The following ZNF804B variants were observed in gnomAD, a reference collection of about 807,000 sequenced individuals.
ZNF804B encodes zinc finger protein 804B, also known as zinc finger 804B.
ZNF804B carries 80 observed loss-of-function variants against 101.4 expected under a neutral mutation model. That is an observed-to-expected ratio of 0.79 (90% CI 0.66 to 0.95). The LOEUF (loss-of-function observed/expected upper bound fraction) is 0.95. Ranked by LOEUF, ZNF804B falls within the 40% of genes least tolerant of loss-of-function variation. The probability of loss-of-function intolerance (pLI) is 0.00; values close to 1 mark genes in which losing one functional copy is unlikely to be tolerated. For missense variants in ZNF804B, 1,673 were observed against 1,561.9 expected (o/e 1.07, Z -1.20); for synonymous variants, 622 against 558.8 (o/e 1.11, Z -1.59).
chr7:89,070,569 G>C (rs1370597290), intron 1 of ZNF804B, among the ~76,000 whole-genome samples: 1 of 152,114 alleles, frequency 6.6e-6, no homozygotes, highest in Non-Finnish European at 1.5e-5. Context: ...TTCTCTGAGG[G>C]ATGGTTTCTT....
At chr7:88,964,543 T>C (rs992129984) in intron 1 of ZNF804B, among the ~76,000 whole-genome samples, 8 of 151,522 alleles carry the variant, frequency 5.3e-5, no homozygotes, top group African/African-American at 1.2e-4. Context: ...TGAGGAGTTA[T>C]TGTTTTATGC....
At chr7:89,169,029 G>A (rs1308508888) in intron 1 of ZNF804B, among the ~76,000 whole-genome samples, 2 of 152,104 alleles carry the variant, frequency 1.3e-5, no homozygotes, top group African/African-American at 4.8e-5. Context: ...GAAGAGAACC[G>A]TGGAACCCAG....
At chr7:89,164,884 T>C (rs1204648122) in intron 1 of ZNF804B, among the ~76,000 whole-genome samples, 7 of 152,038 alleles carry the variant, frequency 4.6e-5, no homozygotes, top group Admixed American at 1.3e-4. Context: ...ACAAATGTAT[T>C]TGGTGTTTTT....
At chr7:89,168,716 G>A (rs1791179799) in intron 1 of ZNF804B, among the ~76,000 whole-genome samples, 1 of 130,432 alleles carries the variant, frequency 7.7e-6, no homozygotes, top group East Asian at 2.2e-4. Context: ...GCACGGGCCT[G>A]CTCATGCTCA....
intron 1 of ZNF804B, among the ~76,000 whole-genome samples, chr7:88,859,185 G>T (rs770653978): frequency 1.3e-5 from 2 of 151,978 alleles, no homozygotes; most frequent in Non-Finnish European, 2.9e-5. Flanking sequence ...AGCTATGGGT[G>T]TGCGTGCATG....
chr7:88,790,026 CA>C (rs2115680357), intron 1 of ZNF804B, among the ~76,000 whole-genome samples: 1 of 152,098 alleles, frequency 6.6e-6, no homozygotes, highest in East Asian at 1.9e-4. Context: ...AACTCTGAAA[CA>C]AGCATAGGAT....
chr7:88,932,892 CA>C (rs1376135697), intron 1 of ZNF804B, among the ~76,000 whole-genome samples: 1 of 150,588 alleles, frequency 6.6e-6, no homozygotes, highest in Non-Finnish European at 1.5e-5. Flanking sequence ...GAAATGATTC[CA>C]AAAGATAAAC....
At chr7:89,226,334 A>G (rs1444324635) in intron 2 of ZNF804B, among the ~76,000 whole-genome samples, 5 of 152,256 alleles carry the variant, frequency 3.3e-5, no homozygotes, top group African/African-American at 9.6e-5. Flanking sequence ...GAAAAATACT[A>G]GAAACAATCT....
intron 2 of ZNF804B, among the ~76,000 whole-genome samples, chr7:89,246,180 G>A (rs1440979221): frequency 6.6e-6 from 1 of 152,132 alleles, no homozygotes; most frequent in Non-Finnish European, 1.5e-5. Flanking sequence ...ACAATAGAAA[G>A]TGTCTCAGCA....
chr7:89,180,059 G>A (rs765164406), intron 1 of ZNF804B, among the ~76,000 whole-genome samples: 1 of 152,138 alleles, frequency 6.6e-6, no homozygotes, highest in Non-Finnish European at 1.5e-5. Flanking sequence ...TGAAACAGGA[G>A]TCCCTGTGTC....
At chr7:89,188,771 G>A (rs1352017971) in intron 1 of ZNF804B, among the ~76,000 whole-genome samples, 1 of 152,142 alleles carries the variant, frequency 6.6e-6, no homozygotes. Flanking sequence ...TCCAGAGCAA[G>A]GCCTTAACTC....
intron 1 of ZNF804B, among the ~76,000 whole-genome samples, chr7:88,845,233 A>G (rs1175601898): frequency 6.7e-6 from 1 of 149,224 alleles, no homozygotes; most frequent in African/African-American, 2.5e-5. Context: ...AAAGGTAGAA[A>G]GGTATAAACA....
rs1791129929 is a variant in ZNF804B, at chr7:89,337,992, T to G, written c.*960T>G. 6.6e-6 allele frequency among the ~76,000 whole-genome samples: 1 copy of G among 152,074 alleles called. No homozygotes were observed. The highest frequency in any genetic ancestry group is 2.1e-4 in the South Asian group (1 of 4,834). Reference sequence around the variant, plus strand: ...TATCTTATTAAATATCTGGTGTGTTTTATTCAATTGTACTAGATATTTATG... The same window carrying G: ...TATCTTATTAAATATCTGGTGTGTTGTATTCAATTGTACTAGATATTTATG... On this transcript the variant is annotated 3_prime_UTR_variant, in exon 4 of 4. Coordinates refer to ENST00000333190, the MANE Select transcript of ZNF804B (RefSeq NM_181646.5).
intron 1 of ZNF804B, among the ~76,000 whole-genome samples, chr7:88,857,454 A>T (rs1395951198): frequency 6.6e-6 from 1 of 152,218 alleles, no homozygotes; most frequent in Non-Finnish European, 1.5e-5. Flanking sequence ...CCACAGAAAT[A>T]CAAACTACCA....
chr7:89,222,225 G>A (rs544819987), intron 2 of ZNF804B, among the ~76,000 whole-genome samples: 73 of 151,944 alleles, frequency 4.8e-4, no homozygotes, highest in Non-Finnish European at 9.3e-4. Context: ...CACTATCTTG[G>A]GGATCACTTT....
intron 1 of ZNF804B, among the ~76,000 whole-genome samples, chr7:89,150,251 C>T (rs920805018): frequency 9.2e-5 from 14 of 151,892 alleles, no homozygotes; most frequent in African/African-American, 2.9e-4. Context: ...CGGTACCATC[C>T]GAGATTTTAG....
At chr7:88,860,308 A>G (rs1369354353) in intron 1 of ZNF804B, among the ~76,000 whole-genome samples, 1 of 152,088 alleles carries the variant, frequency 6.6e-6, no homozygotes, top group Admixed American at 6.6e-5. Flanking sequence ...TAGCAGATTT[A>G]ATATTTTAAT....
intron 2 of ZNF804B, among the ~76,000 whole-genome samples, chr7:89,226,060 A>C (rs926907923): frequency 1.3e-5 from 2 of 152,096 alleles, no homozygotes; most frequent in African/African-American, 4.8e-5. Context: ...CATAACTAGT[A>C]ATCAACTAAT....
chr7:89,079,309 T>G (rs1278182592), intron 1 of ZNF804B, among the ~76,000 whole-genome samples: 1 of 152,082 alleles, frequency 6.6e-6, no homozygotes, highest in Non-Finnish European at 1.5e-5. Flanking sequence ...GCTAAATGTT[T>G]TTTATTTTGA....
Sources: gnomAD v4.1 joint callset for allele counts (sites outside exome capture counted in the v4.1 genomes callset) on GRCh38, gnomAD v4.1.1 for gene constraint, MANE v1.5 for transcripts, NCBI Gene and HGNC (gene_info 2026-07-23, HGNC 2026-07-21) for gene names.